The following MYRIP variants were observed in gnomAD, a reference collection of about 807,000 sequenced individuals.
The protein encoded by MYRIP is myosin VIIA and Rab interacting protein, also known as rab effector MyRIP.
MYRIP carries 49 observed loss-of-function variants against 98.0 expected under a neutral mutation model. The observed-to-expected ratio is 0.50, with a 90% CI of 0.40 to 0.63. The LOEUF (loss-of-function observed/expected upper bound fraction) is 0.63, where lower values mean the gene tolerates loss of function less well. Ranked by LOEUF, MYRIP falls within the 30% of genes least tolerant of loss-of-function variation. MYRIP has a pLI of 0.00. For synonymous variants in MYRIP, 404 were observed against 409.5 expected (o/e 0.99, Z 0.16); for missense variants, 1,004 against 1,058.2 (o/e 0.95, Z 0.71).
At chr3:40,203,010 A>G (rs777944019) in intron 10 of MYRIP, among the ~76,000 whole-genome samples, 2 of 151,674 alleles carry the variant, frequency 1.3e-5, no homozygotes, top group African/African-American at 2.4e-5. Context: ...GCTCACTGCA[A>G]TCTCCACCTC....
At chr3:39,955,749 C>G (rs1945140012) in intron 2 of MYRIP, among the ~76,000 whole-genome samples, 1 of 152,122 alleles carries the variant, frequency 6.6e-6, no homozygotes, top group Non-Finnish European at 1.5e-5. Context: ...GATGAAGAGT[C>G]AAGACCCATC....
chr3:40,200,368 G>A (rs1245931711), intron 10 of MYRIP, among the ~76,000 whole-genome samples: 3 of 152,104 alleles, frequency 2.0e-5, no homozygotes, highest in East Asian at 1.9e-4. Context: ...GGCACGGGTT[G>A]AATAAGCTTG....
At chr3:39,822,561 A>G (rs533898527) in intron 1 of MYRIP, among the ~76,000 whole-genome samples, 1 of 152,344 alleles carries the variant, frequency 6.6e-6, no homozygotes, top group East Asian at 1.9e-4. Context: ...GGAAGCCAAA[A>G]GATTGGATAC....
chr3:39,979,413 C>A (rs947016075), intron 2 of MYRIP, among the ~76,000 whole-genome samples: 1 of 151,964 alleles, frequency 6.6e-6, no homozygotes, highest in Non-Finnish European at 1.5e-5. Flanking sequence ...CCAAGGCGGG[C>A]GGATCACCTG....
chr3:39,850,831 G>C (rs1008885667), intron 1 of MYRIP, among the ~76,000 whole-genome samples: 3 of 152,182 alleles, frequency 2.0e-5, no homozygotes, highest in African/African-American at 7.2e-5. Flanking sequence ...ATAGTAGAGA[G>C]AGCAAAGAGG....
intron 9 of MYRIP, among the ~76,000 whole-genome samples, chr3:40,184,342 CAG>C (rs1326544926): frequency 6.6e-6 from 1 of 152,194 alleles, no homozygotes; most frequent in Admixed American, 6.5e-5. Flanking sequence ...TTAAAACATA[CAG>C]AGTCACTTAA....
chr3:39,929,271 TA>T (rs1944488670), intron 2 of MYRIP, among the ~76,000 whole-genome samples: 1 of 152,030 alleles, frequency 6.6e-6, no homozygotes, highest in Non-Finnish European at 1.5e-5. Context: ...ACAGTGTTCA[TA>T]GATTGGAAGA....
chr3:39,838,737 G>C (rs1433102750), intron 1 of MYRIP, among the ~76,000 whole-genome samples: 3 of 152,128 alleles, frequency 2.0e-5, no homozygotes, highest in African/African-American at 7.2e-5. Context: ...ATCAGTTAGG[G>C]AGGAGTCCCT....
intron 5 of MYRIP, 24 bp from the exon 6 acceptor site, chr3:40,166,822 C>T (rs1416117450): frequency 2.0e-6 from 3 of 1,479,326 alleles, no homozygotes; most frequent in South Asian, 1.1e-5. Flanking sequence ...TTTAGAAATG[C>T]TCTTTGTTCT....
chr3:40,034,266 A>G (rs1012120535), intron 2 of MYRIP, among the ~76,000 whole-genome samples: 35 of 152,292 alleles, frequency 2.3e-4, no homozygotes, highest in African/African-American at 4.8e-4. Flanking sequence ...AAAAGAAACT[A>G]CCATCAGAGT....
intron 2 of MYRIP, among the ~76,000 whole-genome samples, chr3:39,979,673 A>C (rs1311461164): frequency 6.6e-6 from 1 of 151,954 alleles, no homozygotes; most frequent in Non-Finnish European, 1.5e-5. Context: ...AAAAAACAAA[A>C]AAAAACTAAG....
At chr3:40,119,776 G>A (rs1166451098) in intron 3 of MYRIP, among the ~76,000 whole-genome samples, 2 of 152,034 alleles carry the variant, frequency 1.3e-5, no homozygotes, top group Non-Finnish European at 2.9e-5. Flanking sequence ...TGGGGTGGGG[G>A]GAGCAGGGAG....
chr3:39,859,434 A>C (rs556588440), intron 1 of MYRIP, among the ~76,000 whole-genome samples: 26 of 152,316 alleles, frequency 1.7e-4, no homozygotes, highest in African/African-American at 6.3e-4. Context: ...TTAAAGGTGA[A>C]TTCTGCCAAG....
intron 11 of MYRIP, among the ~76,000 whole-genome samples, chr3:40,212,136 A>G (rs552409719): frequency 6.8e-3 from 94 of 13,840 alleles, no homozygotes; most frequent in East Asian, 0.03. Flanking sequence ...ACGTGTATAT[A>G]TATATACATA....
At chr3:39,990,004 G>A (rs1399563364) in intron 2 of MYRIP, among the ~76,000 whole-genome samples, 2 of 152,202 alleles carry the variant, frequency 1.3e-5, no homozygotes, top group South Asian at 2.1e-4. Flanking sequence ...TTAGACAGCA[G>A]GCAACTGCAG....
chr3:40,176,926 G>T (rs12485684), intron 8 of MYRIP, among the ~76,000 whole-genome samples: 1 of 123,316 alleles, frequency 8.1e-6, no homozygotes, highest in African/African-American at 3.0e-5. Flanking sequence ...AAAAAAAAAA[G>T]AAAAGAAAAG....
chr3:40,151,185 G>T lies in MYRIP; in HGVS notation c.469+1G>T, dbSNP rs761703153. 1 of 1,597,146 alleles carries T rather than the reference G, an allele frequency of 6.3e-7. No individual in the cohort carries two copies. Among genetic ancestry groups the T allele is most frequent in the Non-Finnish European group, 8.5e-7 (1 of 1,170,070 alleles). On this transcript the variant is annotated splice_donor_variant, in intron 4 of 16. Coordinates refer to ENST00000302541, the MANE Select transcript of MYRIP (RefSeq NM_015460.4). LOFTEE classifies it high-confidence loss of function. ...AGTGGCGCGTGCTTCGACATTCTAG[G>T]TACTCTCACTTCCTGCCGCTCTGGG...
intron 3 of MYRIP, among the ~76,000 whole-genome samples, chr3:40,087,966 G>A (rs372939094): frequency 3.3e-5 from 5 of 152,284 alleles, no homozygotes; most frequent in African/African-American, 1.2e-4. Context: ...ACAGACAGGA[G>A]ACCCTATGCT....
chr3:40,243,740 C>T (rs527695340), intron 12 of MYRIP, among the ~76,000 whole-genome samples: 1 of 152,298 alleles, frequency 6.6e-6, no homozygotes, highest in Non-Finnish European at 1.5e-5. Context: ...TCACCTTGCT[C>T]ACTTTTATGG....
Sources: gnomAD v4.1 joint callset for allele counts (sites outside exome capture counted in the v4.1 genomes callset) on GRCh38, gnomAD v4.1.1 for gene constraint, MANE v1.5 for transcripts, NCBI Gene and HGNC (gene_info 2026-07-23, HGNC 2026-07-21) for gene names.